BRPF3: variants seen among roughly 807,000 people sequenced by gnomAD.
The protein encoded by BRPF3 is bromodomain and PHD finger-containing protein 3.
BRPF3 carries 18 observed loss-of-function variants against 102.0 expected under a neutral mutation model. That is an observed-to-expected ratio of 0.18 (90% confidence interval 0.12 to 0.26). BRPF3 has a LOEUF of 0.26. Ranked by LOEUF, BRPF3 falls within the 10% of genes least tolerant of loss-of-function variation. The pLI, the probability that BRPF3 is intolerant of heterozygous loss-of-function variation, is 1.00. For synonymous variants in BRPF3, 570 were observed against 614.2 expected (o/e 0.93, Z 1.06); for missense variants, 1,147 against 1,567.8 (o/e 0.73, Z 4.53).
At chr6:36,212,488 T>C (rs574695193) in intron 7 of BRPF3, among the ~76,000 whole-genome samples, 1 of 150,366 alleles carries the variant, frequency 6.7e-6, no homozygotes, top group South Asian at 2.1e-4. Flanking sequence ...ACTCCCCGTA[T>C]GACAGTCAGC....
At chr6:36,228,784 T>C in intron 11 of BRPF3, 118 bp from the exon 12 acceptor site, 1 of 1,187,356 alleles carries the variant, frequency 8.4e-7, no homozygotes, top group South Asian at 1.4e-5. Context: ...ACATCAAAGA[T>C]ATCCCACTCA....
chr6:36,225,460 A>G, intron 11 of BRPF3, 96 bp downstream of exon 11: 3 of 1,131,526 alleles, frequency 2.7e-6, no homozygotes, highest in Admixed American at 2.1e-5. Context: ...TGGGAGTCAG[A>G]GTGTCTTTAG....
rs553923410 is a variant in BRPF3, at chr6:36,217,648, A to G, written c.2990-269A>G. On this transcript the variant is annotated intron_variant, in intron 8 of 12. Coordinates refer to ENST00000357641, the MANE Select transcript of BRPF3 (RefSeq NM_015695.3). ...GTAGCCAAATGACAGTAGCTGAGTG[A>G]GCTGTGTGCTATGGTTTCCTTAAAC... Among the ~76,000 whole-genome samples the G allele has an allele frequency of 3.3e-5, 5 of 152,284 alleles. No individual in the cohort carries two copies. In the East Asian group the frequency reaches 9.6e-4, roughly 29 times the overall value.
chr6:36,213,555 T>C lies in BRPF3; in HGVS notation c.2483-325T>C, dbSNP rs1768208287. Among the ~76,000 whole-genome samples the C allele has an allele frequency of 3.9e-5, 6 of 152,050 alleles. No homozygotes were observed. In the South Asian group the frequency reaches 1.0e-3, roughly 26 times the overall value. On this transcript the variant is annotated intron_variant, in intron 7 of 12. Transcript: ENST00000357641. The stretch of plus-strand genomic sequence containing the variant: ...CAAAAATTTTTTTGAAAAATTAGCC[T>C]AGCCAAGTGTGGTGGTGTGTGCTTA...
At chr6:36,228,847 G>T in intron 11 of BRPF3, 55 bp from the exon 12 acceptor site, 1 of 1,598,338 alleles carries the variant, frequency 6.3e-7, no homozygotes. Context: ...TGCAGCAGGG[G>T]CACTGCTCAC....
In BRPF3 at chr6:36,207,450, G is replaced by A; in HGVS notation, c.1737+6G>A. The A allele has an allele frequency of 6.2e-7, 1 of 1,613,826 alleles. No individual in the cohort carries two copies. Among genetic ancestry groups the A allele is most frequent in the Non-Finnish European group, 8.5e-7 (1 of 1,179,824 alleles). The stretch of plus-strand genomic sequence containing the variant: ...AGAAGCTCAAACGAGAGCAGGTAAG[G>A]AGGAGCCCCCAGCCCTAGGGCCCTA... On this transcript the variant is annotated splice_donor_region_variant and intron_variant, in intron 4 of 12. Transcript: ENST00000357641.
At position 36,207,351 on chromosome 6, in the gene BRPF3, G is replaced by A; in HGVS notation, c.1644G>A (p.Glu548=). ...QDEKTSAVKE[E]LKYWQKLRHD... ...AGAAGACAAGTGCAGTGAAGGAGGA[G>A]CTGAAGTATTGGCAGAAGCTCCGGC... The change falls in exon 4 of 13, where the codon GAG becomes GAA. Residue 548 remains glutamate, a synonymous_variant. Transcript: ENST00000357641. 6.2e-7 allele frequency: 1 copy of A among 1,614,132 alleles called. No homozygotes were observed. The highest frequency in any genetic ancestry group is 8.5e-7 in the Non-Finnish European group (1 of 1,180,008).
intron 3 of BRPF3, 64 bp downstream of exon 3, chr6:36,204,878 G>T: frequency 6.3e-7 from 1 of 1,579,756 alleles, no homozygotes; most frequent in South Asian, 1.2e-5. Context: ...AGGAATGATG[G>T]TTGGGGTGGG....
intron 12 of BRPF3, among the ~76,000 whole-genome samples, chr6:36,229,438 C>G (rs1240941814): frequency 6.6e-6 from 1 of 152,206 alleles, no homozygotes; most frequent in East Asian, 1.9e-4. Context: ...TGCCCTGTGC[C>G]AACTAGTTAT....
At chr6:36,198,039 G>A (rs1403699883) in intron 1 of BRPF3, among the ~76,000 whole-genome samples, 1 of 152,144 alleles carries the variant, frequency 6.6e-6, no homozygotes, top group Non-Finnish European at 1.5e-5. Flanking sequence ...CCTTTGGAGG[G>A]GTGGGTGATG....
Position 36,200,473 on chromosome 6 carries a change from C to T in BRPF3, c.151C>T (p.Arg51Cys). The T allele has an allele frequency of 1.9e-6, 3 of 1,614,222 alleles. No individual in the cohort carries two copies. Among genetic ancestry groups the T allele is most frequent in the East Asian group, 2.2e-5 (1 of 44,886 alleles). ...GGTAGACATTGATGGACGCCTGCAT[C>T]GTATCAGCATCTATGACCCACTCAA... ...VEVDIDGRLHRISIYDPLKII... is the reference protein window; with the variant it reads ...VEVDIDGRLHCISIYDPLKII... Residue 51 changes from arginine to cysteine, a missense_variant, in exon 2 of 13, where the codon CGT becomes TGT. By Grantham distance (180) the Arg-to-Cys change is radical. Around this residue, in one of 11 missense-constraint regions of BRPF3, gnomAD observed 221 missense variants for 337.1 expected, o/e 0.66. Transcript: ENST00000357641. This position sits in a 1 kb window ranked among gnomAD's most constrained non-coding sequence, Gnocchi z 5.3.
Position 36,231,255 on chromosome 6 carries a change from G to A in BRPF3, c.*646G>A, listed in dbSNP as rs1263908535. ...GAGGCCAGCTGCTATGCCAGGTGGT[G>A]TCTCTGCCAGGCTCCTCAGGCCCAG... On this transcript the variant is annotated 3_prime_UTR_variant, in exon 13 of 13. Coordinates refer to ENST00000357641, the MANE Select transcript of BRPF3 (RefSeq NM_015695.3). The A allele has an allele frequency of 1.3e-5, 2 of 152,742 alleles. No homozygotes were observed. Among genetic ancestry groups the A allele is most frequent in the Non-Finnish European group, 2.9e-5 (2 of 68,186 alleles). The allele number at this position is 152,742 out of a possible 1,614,324, so 9.5% of individuals were successfully genotyped here.
chr6:36,214,221 A>C lies in BRPF3; in HGVS notation c.2824A>C (p.Arg942=). 6.2e-7 allele frequency: 1 copy of C among 1,614,220 alleles called. No individual in the cohort carries two copies. Among genetic ancestry groups the C allele is most frequent in the South Asian group, 1.1e-5 (1 of 91,080 alleles). ...GGCCAAGAATGGGGTTAAGCTACAG[A>C]GAAGCCCAGACAGGGTCCTGGAGAA... is the stretch of plus-strand genomic sequence containing the variant. ...KKAKNGVKLQ[R]SPDRVLENGE... The change falls in exon 8 of 13, where the codon AGA becomes CGA. Residue 942 remains arginine (R), a synonymous_variant. Coordinates refer to ENST00000357641, the MANE Select transcript of BRPF3 (RefSeq NM_015695.3).
At chr6:36,211,744 A>G (rs1029835692) in intron 7 of BRPF3, among the ~76,000 whole-genome samples, 184 bp downstream of exon 7, 2 of 152,256 alleles carry the variant, frequency 1.3e-5, no homozygotes, top group African/African-American at 4.8e-5. Flanking sequence ...TTTAACAATC[A>G]CTAGAGACTA....
chr6:36,211,202 T>C (rs1768093152), intron 6 of BRPF3, 56 bp from the exon 7 acceptor site: 2 of 1,547,556 alleles, frequency 1.3e-6, no homozygotes, highest in Non-Finnish European at 1.8e-6. Flanking sequence ...CCCCTTTCTC[T>C]TGCCCTGTGC....
intron 1 of BRPF3, among the ~76,000 whole-genome samples, chr6:36,199,228 G>C (rs970017271): frequency 2.6e-5 from 4 of 152,186 alleles, no homozygotes; most frequent in African/African-American, 9.7e-5. Context: ...GGCTGCTTTG[G>C]ATTCTCATAG....
chr6:36,200,466 C>T lies in BRPF3; in HGVS notation c.144C>T (p.Arg48=). 6.2e-7 allele frequency: 1 copy of T among 1,614,234 alleles called. No individual in the cohort carries two copies. Among genetic ancestry groups the T allele is most frequent in the Non-Finnish European group, 8.5e-7 (1 of 1,180,040 alleles). The part of the protein sequence containing the change: ...QRIVEVDIDG[R]LHRISIYDPL... Reference sequence around the variant, plus strand: ...TTGTCGAGGTAGACATTGATGGACGCCTGCATCGTATCAGCATCTATGACC... The same window carrying T: ...TTGTCGAGGTAGACATTGATGGACGTCTGCATCGTATCAGCATCTATGACC... The change falls in exon 2 of 13, where the codon CGC becomes CGT. Residue 48 remains arginine, a synonymous_variant. Transcript: ENST00000357641. This position sits in a 1 kb window ranked among gnomAD's most constrained non-coding sequence, Gnocchi z 5.3.
At position 36,232,078 on chromosome 6, in the gene BRPF3, A is replaced by G. The variant is rs575182468; in HGVS notation, c.*1469A>G. On this transcript the variant is annotated 3_prime_UTR_variant, in exon 13 of 13. Transcript: ENST00000357641. ...GACTTTTTAAAAATACAACCAACCAACCACCACAACTTCTTATACATTTGG... is the reference window on the plus strand; with the variant it reads ...GACTTTTTAAAAATACAACCAACCAGCCACCACAACTTCTTATACATTTGG... 1.3e-5 allele frequency: 2 copies of G among 152,612 alleles called. No homozygotes were observed. The highest frequency in any genetic ancestry group is 2.9e-5 in the Non-Finnish European group (2 of 68,028). 9.5% of individuals were successfully genotyped at this position (152,612 alleles called of 1,614,324 possible).
At chr6:36,211,919 C>T (rs1332207781) in intron 7 of BRPF3, among the ~76,000 whole-genome samples, 1 of 152,108 alleles carries the variant, frequency 6.6e-6, no homozygotes, top group African/African-American at 2.4e-5. Context: ...CTGATACAGC[C>T]GTATTGTACA....
Sources: allele counts gnomAD v4.1 joint callset (sites outside exome capture counted in the v4.1 genomes callset), GRCh38; gene constraint gnomAD v4.1.1; regional missense constraint gnomAD v4.1.1; non-coding constraint Gnocchi (gnomAD v3.1); transcripts MANE v1.5; gene names NCBI Gene and HGNC (gene_info 2026-07-23, HGNC 2026-07-21).